Variants in MCCC1 observed in about 807,000 individuals in gnomAD.
MCCC1 encodes methylcrotonoyl-CoA carboxylase subunit alpha, mitochondrial.
MCCC1 carries 64 observed loss-of-function variants against 83.8 expected under a neutral mutation model. The ratio of observed to expected loss-of-function variants is 0.76; its 90% CI spans 0.62 to 0.94. MCCC1 has a LOEUF of 0.94. Among genes scored for constraint, MCCC1 ranks in the 40% least tolerant of loss-of-function variants. MCCC1 has a pLI of 0.00. For missense variants in MCCC1, 807 were observed against 904.7 expected (o/e 0.89, Z 1.39); for synonymous variants, 322 against 315.4 (o/e 1.02, Z -0.22).
At chr3:183,078,177 G>A (rs1384511895) in intron 4 of MCCC1, among the ~76,000 whole-genome samples, 1 of 152,064 alleles carries the variant, frequency 6.6e-6, no homozygotes, top group Non-Finnish European at 1.5e-5. Context: ...CTGTCACCAT[G>A]CCTGGCTAAT....
chr3:183,063,215 C>G (rs1311571333), intron 7 of MCCC1, among the ~76,000 whole-genome samples: 1 of 152,088 alleles, frequency 6.6e-6, no homozygotes, highest in East Asian at 1.9e-4. Context: ...ATCTCCTGAC[C>G]TCGTGATCTG....
At chr3:183,040,505 G>T (rs1420441269) in intron 11 of MCCC1, among the ~76,000 whole-genome samples, 2 of 140,198 alleles carry the variant, frequency 1.4e-5, no homozygotes, top group East Asian at 4.4e-4. Flanking sequence ...GAGGCCAGGA[G>T]TTTGAGACCA....
At chr3:183,061,930 C>T (rs961759835) in intron 7 of MCCC1, among the ~76,000 whole-genome samples, 4 of 152,106 alleles carry the variant, frequency 2.6e-5, no homozygotes, top group African/African-American at 7.2e-5. Context: ...GGGAGGGACC[C>T]GGCGGGAGGT....
chr3:183,022,673 T>A (rs192220975), intron 15 of MCCC1, 119 bp from the exon 16 acceptor site: 1 of 870,704 alleles, frequency 1.1e-6, no homozygotes, highest in African/African-American at 1.7e-5. Context: ...CTTAAACATA[T>A]ATAACATATA....
At chr3:183,072,935 G>A (rs766352880) in intron 4 of MCCC1, among the ~76,000 whole-genome samples, 11 of 152,144 alleles carry the variant, frequency 7.2e-5, no homozygotes, top group South Asian at 2.1e-4. Flanking sequence ...AAGTGGAAGC[G>A]TATAATAATT....
At chr3:183,079,638 T>G (rs980461099) in intron 4 of MCCC1, among the ~76,000 whole-genome samples, 3 of 152,172 alleles carry the variant, frequency 2.0e-5, no homozygotes, top group Non-Finnish European at 4.4e-5. Flanking sequence ...TCTACCATTC[T>G]GGGGTCTGGA....
Position 183,094,399 on chromosome 3 carries a change from T to C in MCCC1, c.136+160A>G, listed in dbSNP as rs150507189. On this transcript the variant is annotated intron_variant, in intron 2 of 18. Transcript: ENST00000265594. ...CAAGAGAGATTTGATACAAAAGAGG[T>C]GAAAACCATGACTTAACACTTCCTA... 4.2e-3 allele frequency among the ~76,000 whole-genome samples: 634 copies of C among 152,230 alleles called. 3 individuals carry two copies. The highest frequency in any genetic ancestry group is 0.015 in the African/African-American group (613 of 41,512).
At chr3:183,112,555 T>C (rs1365840095) in intron 1 of MCCC1, among the ~76,000 whole-genome samples, 1 of 152,244 alleles carries the variant, frequency 6.6e-6, no homozygotes, top group Non-Finnish European at 1.5e-5. Context: ...GGTAGAATTA[T>C]ATAATAAATC....
chr3:183,035,172 T>C (rs1713463968), intron 13 of MCCC1, among the ~76,000 whole-genome samples: 1 of 152,214 alleles, frequency 6.6e-6, no homozygotes, highest in South Asian at 2.1e-4. Context: ...ACCTCATATC[T>C]GTACCAATTA....
chr3:183,043,835 T>C (rs1714314511), intron 10 of MCCC1, among the ~76,000 whole-genome samples: 1 of 152,238 alleles, frequency 6.6e-6, no homozygotes, highest in African/African-American at 2.4e-5. Flanking sequence ...TTTTCTCTTA[T>C]GATTTCCAAG....
chr3:183,046,610 G>A (rs1173575638), intron 9 of MCCC1, among the ~76,000 whole-genome samples: 1 of 152,048 alleles, frequency 6.6e-6, no homozygotes, highest in Non-Finnish European at 1.5e-5. Context: ...ATGTTGGCCA[G>A]GCTGGTCTTG....
chr3:183,107,854 T>C (rs1468347312), intron 1 of MCCC1, among the ~76,000 whole-genome samples: 1 of 152,124 alleles, frequency 6.6e-6, no homozygotes, highest in African/African-American at 2.4e-5. Context: ...CCAGCCTGAT[T>C]CCTCCGTTTT....
In MCCC1 at chr3:183,022,448, A is replaced by T; in HGVS notation, c.1838T>A (p.Ile613Asn). The T allele has an allele frequency of 1.2e-6, 2 of 1,614,178 alleles. No individual in the cohort carries two copies. Among genetic ancestry groups the T allele is most frequent in the Non-Finnish European group, 1.7e-6 (2 of 1,180,010 alleles). ...AAATAGGTAAATAGTGTTTTCCAGGATAATCAGCTTCGCTTTACTAGCAAC... is the reference window on the plus strand; with the variant it reads ...AAATAGGTAAATAGTGTTTTCCAGGTTAATCAGCTTCGCTTTACTAGCAAC... ...NGVASKAKLI[I>N]LENTIYLFSK... The change falls in exon 16 of 19, where the codon ATC becomes AAC. Residue 613 changes from isoleucine to asparagine, a missense_variant. By Grantham distance (149) the Ile-to-Asn change is moderately radical. Transcript: ENST00000265594.
upstream of MCCC1, among the ~76,000 whole-genome samples, chr3:183,100,053 G>A (rs146565400): frequency 1.3e-4 from 20 of 152,278 alleles, no homozygotes; most frequent in African/African-American, 4.8e-4. Flanking sequence ...GCAGGAGGGA[G>A]AAATTAGGGA....
At chr3:183,027,860 T>A (rs2108449807) in intron 14 of MCCC1, among the ~76,000 whole-genome samples, 1 of 152,280 alleles carries the variant, frequency 6.6e-6, no homozygotes, top group African/African-American at 2.4e-5. Flanking sequence ...CAGAGACTGG[T>A]TCATGAGGTT....
At chr3:183,068,047 G>C (rs546480891) in intron 7 of MCCC1, among the ~76,000 whole-genome samples, 1 of 152,210 alleles carries the variant, frequency 6.6e-6, no homozygotes, top group Non-Finnish European at 1.5e-5. Flanking sequence ...ACCCCATTCA[G>C]CCTGAAGAAG....
chr3:183,017,593 G>A (rs1711759654), intron 17 of MCCC1: 1 of 497,126 alleles, frequency 2.0e-6, no homozygotes, highest in African/African-American at 1.9e-5. Flanking sequence ...AAATGCACTG[G>A]TCAAATCAGA....
intron 4 of MCCC1, among the ~76,000 whole-genome samples, chr3:183,078,567 T>C (rs1418459680): frequency 6.6e-6 from 1 of 152,252 alleles, no homozygotes; most frequent in Non-Finnish European, 1.5e-5. Flanking sequence ...AGCAATGTTT[T>C]ATAGTTTTCA....
At chr3:183,087,032 G>A (rs896404357) in intron 3 of MCCC1, among the ~76,000 whole-genome samples, 3 of 152,192 alleles carry the variant, frequency 2.0e-5, no homozygotes, top group Admixed American at 6.5e-5. Context: ...ACACACTGGT[G>A]TGAAACTAAA....
Sources: gnomAD v4.1 joint callset for allele counts (sites outside exome capture counted in the v4.1 genomes callset) on GRCh38, gnomAD v4.1.1 for gene constraint, MANE v1.5 for transcripts, NCBI Gene and HGNC (gene_info 2026-07-23, HGNC 2026-07-21) for gene names.